CSMD1: variants seen among roughly 807,000 people sequenced by gnomAD.
CSMD1 encodes the protein CUB and sushi domain-containing protein 1.
Under a neutral mutation model 417.5 loss-of-function variants are expected in CSMD1, and 213 were observed. The ratio of observed to expected loss-of-function variants is 0.51; its 90% CI spans 0.46 to 0.57. The LOEUF is 0.57. CSMD1 is among the 20% of genes least tolerant of loss of function. The pLI is 0.00. For synonymous variants in CSMD1, 2,862 were observed against 1,736.8 expected (o/e 1.65, Z -16.11); for missense variants, 6,923 against 4,529.7 (o/e 1.53, Z -15.17).
At chr8:3,519,147 C>A (rs941833793) in intron 10 of CSMD1, among the ~76,000 whole-genome samples, 1 of 152,138 alleles carries the variant, frequency 6.6e-6, no homozygotes, top group Non-Finnish European at 1.5e-5. Flanking sequence ...GAAAAACATA[C>A]CTATTTAATA....
At chr8:3,361,389 G>A (rs1809157273) in intron 20 of CSMD1, among the ~76,000 whole-genome samples, 1 of 152,026 alleles carries the variant, frequency 6.6e-6, no homozygotes, top group South Asian at 2.1e-4. Context: ...AGCACTTTGG[G>A]AGGCAGAGGC....
intron 5 of CSMD1, among the ~76,000 whole-genome samples, chr8:3,961,148 T>A (rs993286852): frequency 5.9e-5 from 9 of 152,154 alleles, no homozygotes; most frequent in African/African-American, 1.7e-4. Context: ...CCCATAATAG[T>A]CTCTGTATTT....
At chr8:3,450,122 C>G (rs79755741) in intron 12 of CSMD1, among the ~76,000 whole-genome samples, 4 of 152,248 alleles carry the variant, frequency 2.6e-5, no homozygotes, top group East Asian at 1.9e-4. Context: ...ATGTGTCCTG[C>G]ACATCAGGAT....
At chr8:3,901,509 G>A (rs1194096049) in intron 5 of CSMD1, among the ~76,000 whole-genome samples, 2 of 152,138 alleles carry the variant, frequency 1.3e-5, no homozygotes, top group Non-Finnish European at 1.5e-5. Context: ...TGAACCAAGG[G>A]AGCCACGCTT....
At chr8:4,512,386 A>T (rs1376055487) in intron 2 of CSMD1, among the ~76,000 whole-genome samples, 1 of 152,184 alleles carries the variant, frequency 6.6e-6, no homozygotes, top group African/African-American at 2.4e-5. Context: ...AACAAGGCAC[A>T]AATGTCCCCT....
At chr8:3,671,136 GATATATGTATATGGGAT>G (rs1799009269) in intron 7 of CSMD1, among the ~76,000 whole-genome samples, 1 of 146,272 alleles carries the variant, frequency 6.8e-6, no homozygotes, top group Admixed American at 6.9e-5. Context: ...ATATGTATGG[GATATATGTATATGGGAT>G]ATATATGTAT....
intron 1 of CSMD1, among the ~76,000 whole-genome samples, chr8:4,809,874 C>T (rs914810065): frequency 6.6e-6 from 1 of 152,172 alleles, no homozygotes; most frequent in African/African-American, 2.4e-5. Flanking sequence ...CAAGCGGTTG[C>T]CATATTAAAC....
chr8:3,833,838 C>T (rs1445562764), intron 5 of CSMD1, among the ~76,000 whole-genome samples: 3 of 152,198 alleles, frequency 2.0e-5, no homozygotes, highest in Admixed American at 6.6e-5. Context: ...CAATATAAGA[C>T]GTTTTTCTTT....
intron 3 of CSMD1, among the ~76,000 whole-genome samples, chr8:4,146,573 T>C (rs970406301): frequency 1.6e-4 from 23 of 144,322 alleles, no homozygotes; most frequent in South Asian, 2.2e-4. Context: ...TTATTATCTG[T>C]CTAAATGTTT....
chr8:3,816,167 C>T (rs1336164292), intron 5 of CSMD1, among the ~76,000 whole-genome samples: 1 of 152,112 alleles, frequency 6.6e-6, no homozygotes, highest in East Asian at 1.9e-4. Flanking sequence ...TGGATAAAAA[C>T]CTTCCCTCTG....
intron 2 of CSMD1, among the ~76,000 whole-genome samples, chr8:4,437,756 G>C (rs1051527421): frequency 2.0e-5 from 3 of 152,052 alleles, no homozygotes; most frequent in African/African-American, 7.2e-5. Context: ...CATGTTTGTG[G>C]TGTGAAGACA....
intron 1 of CSMD1, among the ~76,000 whole-genome samples, chr8:4,965,707 T>C (rs1197796443): frequency 6.6e-6 from 1 of 152,174 alleles, no homozygotes; most frequent in Non-Finnish European, 1.5e-5. Flanking sequence ...AATAAGATAA[T>C]AAAATTGAAT....
chr8:4,981,415 T>C (rs1435303337), intron 1 of CSMD1, among the ~76,000 whole-genome samples: 1 of 152,208 alleles, frequency 6.6e-6, no homozygotes, highest in African/African-American at 2.4e-5. Context: ...TTTTTCTAGA[T>C]ATCCAACAAG....
intron 3 of CSMD1, among the ~76,000 whole-genome samples, chr8:4,281,823 T>C (rs1796799786): frequency 6.6e-6 from 1 of 152,180 alleles, no homozygotes; most frequent in South Asian, 2.1e-4. Flanking sequence ...AAAACACTGA[T>C]TTTCTAGAGC....
intron 23 of CSMD1, among the ~76,000 whole-genome samples, chr8:3,316,147 C>T (rs571038040): frequency 1.6e-4 from 24 of 152,246 alleles, no homozygotes; most frequent in African/African-American, 5.8e-4. Flanking sequence ...ACTCTAAATT[C>T]ATCTTTAAAT....
At chr8:4,896,835 G>T (rs1438311439) in intron 1 of CSMD1, among the ~76,000 whole-genome samples, 1 of 151,952 alleles carries the variant, frequency 6.6e-6, no homozygotes, top group Non-Finnish European at 1.5e-5. Context: ...GTGAGAGCCG[G>T]AGCCACGGAG....
intron 10 of CSMD1, among the ~76,000 whole-genome samples, chr8:3,534,231 A>G (rs1798098344): frequency 6.6e-6 from 1 of 152,206 alleles, no homozygotes; most frequent in Non-Finnish European, 1.5e-5. Context: ...TAGGTAGTCC[A>G]GAAGATCTGC....
At chr8:4,979,044 C>G (rs1240968018) in intron 1 of CSMD1, among the ~76,000 whole-genome samples, 1 of 152,134 alleles carries the variant, frequency 6.6e-6, no homozygotes, top group Non-Finnish European at 1.5e-5. Flanking sequence ...TTCCTCTCAT[C>G]GTTCTTTTCA....
chr8:4,676,595 G>A (rs1035210063), intron 1 of CSMD1, among the ~76,000 whole-genome samples: 6 of 152,192 alleles, frequency 3.9e-5, no homozygotes, highest in East Asian at 3.9e-4. Flanking sequence ...ACCCTTTAAC[G>A]GACTTCTTAT....
Sources: allele counts gnomAD v4.1 joint callset (sites outside exome capture counted in the v4.1 genomes callset), GRCh38; gene constraint gnomAD v4.1.1; transcripts MANE v1.5; gene names NCBI Gene and HGNC (gene_info 2026-07-23, HGNC 2026-07-21).